Variants in SPRED1 observed in about 807,000 individuals in gnomAD.
SPRED1 encodes the protein sprouty-related, EVH1 domain-containing protein 1.
SPRED1 carries 18 observed loss-of-function variants against 52.3 expected under a neutral mutation model. The observed-to-expected ratio is 0.34, with a 90% CI of 0.24 to 0.51. SPRED1 has a LOEUF of 0.51. SPRED1 is among the 20% of genes least tolerant of loss of function. The probability of loss-of-function intolerance (pLI) is 0.97; values close to 1 mark genes in which losing one functional copy is unlikely to be tolerated. For synonymous variants in SPRED1, 155 were observed against 179.7 expected (o/e 0.86, Z 1.10); for missense variants, 485 against 551.0 (o/e 0.88, Z 1.20).
chr15:38,323,414 T>C (rs1895644358), intron 3 of SPRED1, among the ~76,000 whole-genome samples: 1 of 152,080 alleles, frequency 6.6e-6, no homozygotes, highest in Non-Finnish European at 1.5e-5. Context: ...CTTAGATCAG[T>C]GTTCTTAACC....
intron 5 of SPRED1, among the ~76,000 whole-genome samples, chr15:38,349,002 A>T (rs910834087): frequency 6.6e-6 from 1 of 152,090 alleles, no homozygotes; most frequent in East Asian, 1.9e-4. Flanking sequence ...ATCAAATTCC[A>T]TATCACTTCC....
rs977665644 is a variant in SPRED1, at chr15:38,279,410, G to A, written c.33-19963G>A. On this transcript the variant is annotated intron_variant, in intron 1 of 6. Transcript: ENST00000299084. ...TGTTTACTAAAATTTAGTCTTAAGA[G>A]TGGATGCAGAATATTATTTCTTGTT... is the stretch of plus-strand genomic sequence containing the variant. Among the ~76,000 whole-genome samples, 5 of 152,346 alleles carry A rather than the reference G, an allele frequency of 3.3e-5. No individual in the cohort carries two copies. In the East Asian group the frequency reaches 7.7e-4, roughly 24 times the overall value.
intron 1 of SPRED1, among the ~76,000 whole-genome samples, chr15:38,287,231 A>G (rs1894830043): frequency 6.6e-6 from 1 of 152,170 alleles, no homozygotes. Flanking sequence ...TCCAGAAGAC[A>G]TCTTCTGTCT....
intron 2 of SPRED1, among the ~76,000 whole-genome samples, chr15:38,314,463 G>A (rs1895431383): frequency 6.6e-6 from 1 of 151,878 alleles, no homozygotes; most frequent in South Asian, 2.1e-4. Flanking sequence ...ATAATGTCAA[G>A]TTTAATTCCA....
At chr15:38,347,485 T>C (rs74007165) in intron 5 of SPRED1, among the ~76,000 whole-genome samples, 20 of 94,090 alleles carry the variant, frequency 2.1e-4, no homozygotes, top group African/African-American at 5.7e-4. Flanking sequence ...TTTTTTTTTT[T>C]CAATTTGGCT....
chr15:38,345,922 T>A (rs1896125950), intron 5 of SPRED1, among the ~76,000 whole-genome samples: 1 of 152,184 alleles, frequency 6.6e-6, no homozygotes, highest in African/African-American at 2.4e-5. Context: ...GTTCACTAGA[T>A]CTGCAGAGAT....
intron 4 of SPRED1, 120 bp downstream of exon 4, chr15:38,324,929 C>T: frequency 2.3e-6 from 2 of 883,084 alleles, no homozygotes; most frequent in East Asian, 2.7e-5. Flanking sequence ...TGTCAGATTT[C>T]TCCAGAAGAA....
chr15:38,339,291 T>C (rs546654238), intron 4 of SPRED1, among the ~76,000 whole-genome samples: 6 of 152,298 alleles, frequency 3.9e-5, no homozygotes, highest in South Asian at 4.1e-4. Context: ...AATAGTAGAC[T>C]AATGTTGTCT....
chr15:38,323,541 A>G (rs1261847257), intron 3 of SPRED1, among the ~76,000 whole-genome samples: 1 of 152,072 alleles, frequency 6.6e-6, no homozygotes, highest in Non-Finnish European at 1.5e-5. Flanking sequence ...ATTTTTCAAA[A>G]ACTCCAAGAA....
rs1368900386 is a variant in SPRED1 at position 38,316,750 on chromosome 15, T to G, written c.208-5491T>G. Among the ~76,000 whole-genome samples, 58 of 145,596 alleles carry G rather than the reference T, an allele frequency of 4.0e-4. 2 individuals carry two copies. Among genetic ancestry groups the G allele is most frequent in the Admixed American group, 6.9e-4 (10 of 14,416 alleles). Reference sequence around the variant, plus strand: ...TAGTTTACAATTTTCCATTATATGTTTTTTTTTTTTTTTTTTTTTTTTGGT... The same window carrying G: ...TAGTTTACAATTTTCCATTATATGTGTTTTTTTTTTTTTTTTTTTTTTGGT... On this transcript the variant is annotated intron_variant, in intron 2 of 6. Coordinates refer to ENST00000299084, the MANE Select transcript of SPRED1 (RefSeq NM_152594.3).
intron 1 of SPRED1, among the ~76,000 whole-genome samples, chr15:38,283,099 C>T (rs1051666581): frequency 6.6e-6 from 1 of 152,094 alleles, no homozygotes; most frequent in Non-Finnish European, 1.5e-5. Flanking sequence ...ACTCACGGTT[C>T]CACAGGCTTA....
At position 38,350,997 on chromosome 15, in the gene SPRED1, ATC is replaced by A. The variant is rs566051898; in HGVS notation, c.685-15_685-14del. The A allele has an allele frequency of 7.2e-5, 116 of 1,608,628 alleles. No homozygotes were observed. Among genetic ancestry groups the A allele is most frequent in the Non-Finnish European group, 9.3e-5 (109 of 1,178,126 alleles). On this transcript the variant is annotated splice_polypyrimidine_tract_variant and intron_variant, in intron 6 of 6. Coordinates refer to ENST00000299084, the MANE Select transcript of SPRED1 (RefSeq NM_152594.3). ...CATCATAGCCCTCATTGCAGTTTTT[ATC>A]TGTTTCTTTTTTAGGTCCCTTTGAA...
At chr15:38,290,584 G>C (rs1274846130) in intron 1 of SPRED1, among the ~76,000 whole-genome samples, 1 of 152,142 alleles carries the variant, frequency 6.6e-6, no homozygotes, top group Non-Finnish European at 1.5e-5. Context: ...GGAACAAAAA[G>C]AGGTTTAATT....
chr15:38,338,620 C>T (rs987918952), intron 4 of SPRED1, among the ~76,000 whole-genome samples: 1 of 152,120 alleles, frequency 6.6e-6, no homozygotes, highest in Non-Finnish European at 1.5e-5. Context: ...CAATTGCCTA[C>T]TCCTTGATAC....
chr15:38,310,170 C>T (rs1053699994), intron 2 of SPRED1, among the ~76,000 whole-genome samples: 1 of 47,216 alleles, frequency 2.1e-5, no homozygotes, highest in African/African-American at 5.6e-5. Context: ...GACGAAGTTT[C>T]GCTCTTGTTG....
intron 4 of SPRED1, 113 bp from the exon 5 acceptor site, chr15:38,339,624 A>G: frequency 9.7e-7 from 1 of 1,030,312 alleles, no homozygotes; most frequent in South Asian, 1.3e-5. Flanking sequence ...TAGCGATGGT[A>G]GCGATATATA....
At chr15:38,327,821 G>A (rs956484165) in intron 4 of SPRED1, among the ~76,000 whole-genome samples, 14 of 152,184 alleles carry the variant, frequency 9.2e-5, no homozygotes, top group Admixed American at 9.2e-4. Flanking sequence ...GCTAAGTTTT[G>A]TGGTAATTTT....
intron 1 of SPRED1, among the ~76,000 whole-genome samples, chr15:38,292,596 C>T (rs1164159052): frequency 2.0e-5 from 3 of 152,094 alleles, no homozygotes; most frequent in African/African-American, 7.2e-5. Context: ...AAGCAGAAGT[C>T]CCTGATAAAC....
intron 5 of SPRED1, among the ~76,000 whole-genome samples, chr15:38,342,267 A>G: frequency 6.6e-6 from 1 of 151,806 alleles, no homozygotes; most frequent in East Asian, 1.9e-4. Context: ...TATCCTAGAG[A>G]TTACAAATGT....
Sources: allele counts gnomAD v4.1 joint callset (sites outside exome capture counted in the v4.1 genomes callset), GRCh38; gene constraint gnomAD v4.1.1; transcripts MANE v1.5; gene names NCBI Gene and HGNC (gene_info 2026-07-23, HGNC 2026-07-21).